The following ARHGAP6 variants were observed in gnomAD, a reference collection of about 807,000 sequenced individuals.
ARHGAP6 encodes the protein Rho GTPase activating protein 6.
In ARHGAP6, 16 loss-of-function variants were observed where a neutral mutation model predicts 55.7. That is an observed-to-expected ratio of 0.29 (90% CI 0.19 to 0.44). The LOEUF (loss-of-function observed/expected upper bound fraction) is 0.44. ARHGAP6 is among the 20% of genes least tolerant of loss of function. The pLI, the probability that ARHGAP6 is intolerant of heterozygous loss-of-function variation, is 1.00. For missense variants in ARHGAP6, 698 were observed against 808.9 expected, an observed-to-expected ratio of 0.86 and a Z score of 1.66; for synonymous variants, 382 against 360.9, an observed-to-expected ratio of 1.06 and a Z score of -0.66.
intron 1 of ARHGAP6, among the ~76,000 whole-genome samples, chrX:11,640,064 C>T (rs2052458591): frequency 9.0e-6 from 1 of 111,484 alleles, no homozygotes; most frequent in Admixed American, 9.5e-5. Flanking sequence ...ATCCTCTCAC[C>T]ACTCTTTTAT....
At chrX:11,592,442 A>G in intron 1 of ARHGAP6, among the ~76,000 whole-genome samples, 1 of 111,848 alleles carries the variant, frequency 8.9e-6, no homozygotes, top group Non-Finnish European at 1.9e-5. Context: ...TGCACAATAA[A>G]TGGTACAAGG....
At chrX:11,162,728 G>T (rs1432766790) in intron 9 of ARHGAP6, among the ~76,000 whole-genome samples, 2 of 111,994 alleles carry the variant, frequency 1.8e-5, no homozygotes, top group Non-Finnish European at 3.8e-5. Flanking sequence ...CCTATGTCAT[G>T]CTGCAGCACA....
rs779785317 is a variant in ARHGAP6 at position 11,481,803 on chromosome X, G to A, written c.588+182438C>T. 5.3e-5 allele frequency among the ~76,000 whole-genome samples: 6 copies of A among 112,727 alleles called. No individual in the cohort carries two copies. The South Asian group carries it at 2.2e-3, about 41-fold the overall frequency. On this transcript the variant is annotated intron_variant, in intron 1 of 12. Coordinates refer to ENST00000337414, the MANE Select transcript of ARHGAP6 (RefSeq NM_013427.3). Reference sequence around the variant, plus strand: ...GCAACCCTAATTCTAAGGAAAGAAAGCCTCAGCTCACTAATGGCAGGTAAA... The same window carrying A: ...GCAACCCTAATTCTAAGGAAAGAAAACCTCAGCTCACTAATGGCAGGTAAA...
At chrX:11,391,887 G>C (rs1187063117) in intron 1 of ARHGAP6, among the ~76,000 whole-genome samples, 1 of 111,902 alleles carries the variant, frequency 8.9e-6, no homozygotes, top group African/African-American at 3.2e-5. Context: ...GTCAACAGTG[G>C]TGTTCTAAGG....
intron 1 of ARHGAP6, among the ~76,000 whole-genome samples, chrX:11,292,780 C>T (rs147768666): frequency 0.034 from 3,845 of 112,129 alleles, 174 homozygotes; most frequent in African/African-American, 0.12. Flanking sequence ...ATTGTTTTTA[C>T]GGTAGATGGG....
At chrX:11,571,662 C>A (rs1464791226) in intron 1 of ARHGAP6, among the ~76,000 whole-genome samples, 1 of 105,778 alleles carries the variant, frequency 9.5e-6, no homozygotes, top group Non-Finnish European at 1.9e-5. Context: ...CAGTTTGACC[C>A]CAGAGTTCAA....
intron 9 of ARHGAP6, among the ~76,000 whole-genome samples, chrX:11,165,358 A>G (rs1363790317): frequency 1.8e-5 from 2 of 111,411 alleles, no homozygotes; most frequent in African/African-American, 6.5e-5. Flanking sequence ...AATAAATGCT[A>G]TGGAATAAAA....
At chrX:11,160,258 G>C (rs2045923431) in intron 9 of ARHGAP6, among the ~76,000 whole-genome samples, 1 of 106,988 alleles carries the variant, frequency 9.3e-6, no homozygotes, top group African/African-American at 3.4e-5. Context: ...GACCATCCTG[G>C]CTAACATGGT....
intron 1 of ARHGAP6, among the ~76,000 whole-genome samples, chrX:11,440,445 T>C (rs2050028941): frequency 8.9e-6 from 1 of 112,139 alleles, no homozygotes; most frequent in Non-Finnish European, 1.9e-5. Context: ...ACACATTGAA[T>C]GTGATTCCTT....
At chrX:11,506,455 TG>T (rs1280353070) in intron 1 of ARHGAP6, among the ~76,000 whole-genome samples, 1 of 109,930 alleles carries the variant, frequency 9.1e-6, no homozygotes, top group Admixed American at 9.7e-5. Flanking sequence ...GTGTTCTCAT[TG>T]TTCAACTCCC....
chrX:11,254,623 C>T lies in ARHGAP6; in HGVS notation c.673G>A (p.Ala225Thr). The T allele has an allele frequency of 8.3e-7, 1 of 1,209,942 alleles. No homozygotes were observed. The highest frequency in any genetic ancestry group is 1.8e-5 in the African/African-American group (1 of 57,098). Reference sequence around the variant, plus strand: ...TAAAAAGCCACTTCCTGCAGCCGGGCCCTCTCCAGCTCTGAGAGACTCTGG... The same window carrying T: ...TAAAAAGCCACTTCCTGCAGCCGGGTCCTCTCCAGCTCTGAGAGACTCTGG... ...PIQSLSELER[A>T]RLQEVAFYQL... Residue 225 changes from alanine (A) to threonine (T), a missense_variant, in exon 2 of 13, where the codon GCC becomes ACC. Around this residue, in one of 3 missense-constraint regions of ARHGAP6, gnomAD observed 322 missense variants for 451.1 expected, o/e 0.71. Coordinates refer to ENST00000337414, the MANE Select transcript of ARHGAP6 (RefSeq NM_013427.3).
At chrX:11,462,841 T>A (rs1215924278) in intron 1 of ARHGAP6, among the ~76,000 whole-genome samples, 1 of 112,646 alleles carries the variant, frequency 8.9e-6, no homozygotes, top group Non-Finnish European at 1.9e-5. Flanking sequence ...ACTGGACCTC[T>A]GCCAGCACTT....
At chrX:11,364,505 G>T (rs921150654) in intron 1 of ARHGAP6, among the ~76,000 whole-genome samples, 7 of 111,010 alleles carry the variant, frequency 6.3e-5, no homozygotes, top group Admixed American at 1.9e-4. Flanking sequence ...GAGGTCTAAT[G>T]TTATTTGGCT....
chrX:11,500,640 C>T (rs1455018215), intron 1 of ARHGAP6, among the ~76,000 whole-genome samples: 2 of 91,213 alleles, frequency 2.2e-5, no homozygotes, highest in African/African-American at 8.8e-5. Context: ...CACTGTACCC[C>T]GGGAAACAGA....
chrX:11,575,913 ATG>A (rs1442107659), intron 1 of ARHGAP6, among the ~76,000 whole-genome samples: 1 of 112,488 alleles, frequency 8.9e-6, no homozygotes, highest in East Asian at 2.8e-4. Flanking sequence ...CTGAGAGCTC[ATG>A]ATTTTATGAA....
chrX:11,259,220 A>G (rs1228995040), intron 1 of ARHGAP6, among the ~76,000 whole-genome samples: 1 of 111,831 alleles, frequency 8.9e-6, no homozygotes, highest in Non-Finnish European at 1.9e-5. Flanking sequence ...AGAACCCACA[A>G]ATAGGTAAGA....
chrX:11,590,910 G>GAAAGAAAGAAAGAAAGAAAGAAAGA (rs1556119234), intron 1 of ARHGAP6, among the ~76,000 whole-genome samples: 1 of 83,845 alleles, frequency 1.2e-5, no homozygotes, highest in East Asian at 3.2e-4. Flanking sequence ...AAGAAAGAAA[G>GAAAGAAAGAAAGAAAGAAAGAAAGA]AAAGAAAAGA....
intron 1 of ARHGAP6, among the ~76,000 whole-genome samples, chrX:11,384,062 G>T (rs2049295035): frequency 9.1e-6 from 1 of 109,525 alleles, no homozygotes; most frequent in Non-Finnish European, 1.9e-5. Context: ...GGATAAAAAA[G>T]TATCTACAGG....
chrX:11,461,867 CAAG>C (rs1420294324), intron 1 of ARHGAP6, among the ~76,000 whole-genome samples: 4 of 111,594 alleles, frequency 3.6e-5, no homozygotes, highest in Non-Finnish European at 7.5e-5. Flanking sequence ...GGGCCTCTCT[CAAG>C]AAGAAGCATA....
Sources: gnomAD v4.1 joint callset for allele counts (sites outside exome capture counted in the v4.1 genomes callset) on GRCh38, gnomAD v4.1.1 for gene constraint, gnomAD v4.1.1 regional missense constraint, MANE v1.5 for transcripts, NCBI Gene and HGNC (gene_info 2026-07-23, HGNC 2026-07-21) for gene names.